TBCA: variants seen among roughly 807,000 people sequenced by gnomAD.
The protein encoded by TBCA is tubulin folding cofactor A, also known as tubulin-specific chaperone A.
In TBCA, 6 loss-of-function variants were observed where a neutral mutation model predicts 15.8. The ratio of observed to expected loss-of-function variants is 0.38; its 90% CI spans 0.21 to 0.75. TBCA has a LOEUF of 0.75. TBCA is among the 30% of genes least tolerant of loss of function. The pLI, the probability that TBCA is intolerant of heterozygous loss-of-function variation, is 0.46. For missense variants in TBCA, 90 were observed against 131.2 expected (o/e 0.69, Z 1.53); for synonymous variants, 32 against 42.3 (o/e 0.76, Z 0.94).
chr5:77,728,609 T>A (rs1211136915), intron 1 of TBCA, among the ~76,000 whole-genome samples: 1 of 152,148 alleles, frequency 6.6e-6, no homozygotes, highest in Non-Finnish European at 1.5e-5. Flanking sequence ...AGGACAGCAA[T>A]AAACTTGTGT....
At chr5:77,717,922 G>A (rs1253001222) in intron 1 of TBCA, among the ~76,000 whole-genome samples, 1 of 151,992 alleles carries the variant, frequency 6.6e-6, no homozygotes. Flanking sequence ...CTGAGGTCGG[G>A]AGTTCCAGAC....
chr5:77,723,276 T>TA lies in TBCA; in HGVS notation c.54-14930_54-14929insT, dbSNP rs74271554. ...TCTTATAAAGTATTACAATTTTTTT[T>TA]TAAAAAAAGTAATTTTAAAGTAAGA... On this transcript the variant is annotated intron_variant, in intron 1 of 3. Coordinates refer to ENST00000380377, the MANE Select transcript of TBCA (RefSeq NM_004607.3). Among the ~76,000 whole-genome samples, 297 of 151,920 alleles carry TA rather than the reference T, an allele frequency of 2.0e-3. 2 individuals are homozygous for TA. Among genetic ancestry groups the TA allele is most frequent in the South Asian group, 6.0e-3 (29 of 4,820 alleles).
intron 1 of TBCA, among the ~76,000 whole-genome samples, chr5:77,713,391 G>A (rs1746327518): frequency 6.6e-6 from 1 of 152,078 alleles, no homozygotes; most frequent in African/African-American, 2.4e-5. Context: ...GTTAGTGATT[G>A]TGAAGTATTT....
intron 1 of TBCA, among the ~76,000 whole-genome samples, chr5:77,732,550 CAAAAAAAAA>C (rs35780694): frequency 6.0e-4 from 54 of 89,504 alleles, no homozygotes; most frequent in Admixed American, 8.3e-4. Context: ...GACTCTGTCT[CAAAAAAAAA>C]AAAAAAAAAA....
At chr5:77,744,513 A>G (rs1747131157) in intron 1 of TBCA, among the ~76,000 whole-genome samples, 1 of 149,730 alleles carries the variant, frequency 6.7e-6, no homozygotes. Context: ...CTTCCAGAAA[A>G]CAGAATGTCT....
intron 1 of TBCA, among the ~76,000 whole-genome samples, chr5:77,739,095 T>C (rs1034288924): frequency 1.3e-5 from 2 of 152,250 alleles, no homozygotes; most frequent in African/African-American, 4.8e-5. Context: ...GTTTTATATA[T>C]GTATATGTAT....
At chr5:77,705,510 C>A in intron 2 of TBCA, 1 of 398,348 alleles carries the variant, frequency 2.5e-6, no homozygotes, top group Non-Finnish European at 4.4e-6. Context: ...TATGTAAATC[C>A]TTATGAAGGG....
At chr5:77,736,299 G>T (rs1413524908) in intron 1 of TBCA, among the ~76,000 whole-genome samples, 1 of 143,816 alleles carries the variant, frequency 7.0e-6, no homozygotes, top group African/African-American at 2.6e-5. Flanking sequence ...TCGCACCATT[G>T]CACTCCAGCC....
chr5:77,697,566 G>A (rs1745900269), intron 2 of TBCA, among the ~76,000 whole-genome samples: 1 of 151,942 alleles, frequency 6.6e-6, no homozygotes. Context: ...CAGATAAATG[G>A]AAATGAAAAT....
chr5:77,766,071 C>T (rs2112514121), intron 1 of TBCA, among the ~76,000 whole-genome samples: 1 of 152,170 alleles, frequency 6.6e-6, no homozygotes, highest in East Asian at 1.9e-4. Context: ...CCCTGAAATA[C>T]CACCTACTCC....
Position 77,761,922 on chromosome 5 carries a change from A to G in TBCA, c.53+14283T>C, listed in dbSNP as rs924751151. 8.3e-4 allele frequency among the ~76,000 whole-genome samples: 127 copies of G among 152,256 alleles called. 1 individual carries two copies. Among genetic ancestry groups the G allele is most frequent in the Non-Finnish European group, 3.4e-4 (23 of 68,042 alleles). On this transcript the variant is annotated intron_variant, in intron 1 of 3. Transcript: ENST00000380377. Reference sequence around the variant, plus strand: ...GAAAGTTTAATACTTCTGTCTCAGAATTCTAAGCAAGAGTTCTGAAATTTA... The same window carrying G: ...GAAAGTTTAATACTTCTGTCTCAGAGTTCTAAGCAAGAGTTCTGAAATTTA...
At chr5:77,709,468 A>T (rs1380220764) in intron 1 of TBCA, among the ~76,000 whole-genome samples, 1 of 152,226 alleles carries the variant, frequency 6.6e-6, no homozygotes, top group Non-Finnish European at 1.5e-5. Context: ...CACAGTATCT[A>T]AAGAGCAGAA....
chr5:77,744,687 C>T (rs1747139697), intron 1 of TBCA, among the ~76,000 whole-genome samples: 1 of 151,962 alleles, frequency 6.6e-6, no homozygotes, highest in East Asian at 1.9e-4. Context: ...AGGCATCCAC[C>T]ACTATGCACG....
chr5:77,691,321 T>C lies in TBCA; in HGVS notation c.*97A>G. ...TGTAACCAGATAAAAACAATCACAT[T>C]CTCATACTACTTGAACACATAGCAG... On this transcript the variant is annotated 3_prime_UTR_variant, in exon 4 of 4. Transcript: ENST00000380377. 1.0e-6 allele frequency: 1 copy of C among 963,804 alleles called. No homozygotes were observed. Among genetic ancestry groups the C allele is most frequent in the Middle Eastern group, 3.1e-4 (1 of 3,218 alleles). 59.7% of individuals were successfully genotyped at this position (963,804 alleles called of 1,614,324 possible). A position where few individuals can be genotyped will look rare whatever the true frequency, so the allele number is the denominator to read the frequency against.
chr5:77,755,682 T>G (rs1180633460), intron 1 of TBCA, among the ~76,000 whole-genome samples: 2 of 152,000 alleles, frequency 1.3e-5, no homozygotes, highest in African/African-American at 4.8e-5. Context: ...CTTCCATTTA[T>G]ATAACCATTT....
intron 2 of TBCA, chr5:77,705,463 A>G (rs1247738775): frequency 5.1e-6 from 2 of 395,598 alleles, no homozygotes; most frequent in Non-Finnish European, 8.9e-6. Flanking sequence ...CAAAAGCAGT[A>G]TATATCATAA....
At chr5:77,732,288 C>T (rs1746790537) in intron 1 of TBCA, among the ~76,000 whole-genome samples, 1 of 152,172 alleles carries the variant, frequency 6.6e-6, no homozygotes, top group African/African-American at 2.4e-5. Context: ...AAATCATACA[C>T]AGGCATTACC....
At chr5:77,696,960 T>C (rs541706035) in intron 2 of TBCA, among the ~76,000 whole-genome samples, 2 of 152,160 alleles carry the variant, frequency 1.3e-5, no homozygotes, top group Non-Finnish European at 2.9e-5. Flanking sequence ...TAATACCAGA[T>C]AAAGTAAACT....
chr5:77,750,496 C>CA (rs1747298173), intron 1 of TBCA, among the ~76,000 whole-genome samples: 1 of 152,088 alleles, frequency 6.6e-6, no homozygotes, highest in Non-Finnish European at 1.5e-5. Context: ...AAGCAAGAAT[C>CA]AGAGAGCAGA....
Sources: gnomAD v4.1 joint callset for allele counts (sites outside exome capture counted in the v4.1 genomes callset) on GRCh38, gnomAD v4.1.1 for gene constraint, MANE v1.5 for transcripts, NCBI Gene and HGNC (gene_info 2026-07-23, HGNC 2026-07-21) for gene names.